The following CDH9 variants were observed in gnomAD, a reference collection of about 807,000 sequenced individuals.
The protein encoded by CDH9 is cadherin 9.
A neutral mutation model predicts 70.9 loss-of-function variants in CDH9; 28 were observed. That is an observed-to-expected ratio of 0.40 (90% CI 0.29 to 0.54). The LOEUF is 0.54. CDH9 is among the 20% of genes least tolerant of loss of function. The pLI, the probability that CDH9 is intolerant of heterozygous loss-of-function variation, is 0.59. For missense variants in CDH9, 874 were observed against 984.4 expected (o/e 0.89, Z 1.50); for synonymous variants, 409 against 343.1 (o/e 1.19, Z -2.12).
At chr5:27,022,938 CT>C (rs146112141) in intron 1 of CDH9, among the ~76,000 whole-genome samples, 264 of 148,588 alleles carry the variant, frequency 1.8e-3, no homozygotes, top group East Asian at 9.3e-3. Context: ...TTGTATTGTT[CT>C]TTTTTTTTTA....
chr5:26,952,309 G>A (rs1162416830), intron 2 of CDH9, among the ~76,000 whole-genome samples: 3 of 149,360 alleles, frequency 2.0e-5, no homozygotes, highest in South Asian at 2.2e-4. Flanking sequence ...TTGAGAGGGA[G>A]GTCCCTTAAG....
chr5:26,927,860 AT>A (rs1045125620), intron 2 of CDH9, among the ~76,000 whole-genome samples: 42 of 152,132 alleles, frequency 2.8e-4, no homozygotes, highest in African/African-American at 1.0e-3. Context: ...GTCTGAAAAC[AT>A]CACCCCTACT....
In CDH9 at chr5:26,964,323, ACTCT is replaced by A. The variant is rs201445904; in HGVS notation, c.228+23779_228+23782del. On this transcript the variant is annotated intron_variant, in intron 2 of 11. Transcript: ENST00000231021. ...CCACCAAAAAGAAACAGTTGTTTCT[ACTCT>A]CTAAGACTTTGCTTCACTGAGTTAT... 2.0e-5 allele frequency among the ~76,000 whole-genome samples: 3 copies of A among 152,244 alleles called. No individual in the cohort carries two copies. The East Asian group carries it at 5.8e-4, about 29-fold the overall frequency.
At position 26,905,725 on chromosome 5, in the gene CDH9, G is replaced by C. The variant is rs186985166; in HGVS notation, c.811+234C>G. ...AGAAGTTAATTTAAAAGTTGCCAGA[G>C]AAGCTTAATACTTTGTTTTCTTCCA... On this transcript the variant is annotated intron_variant, in intron 5 of 11. Coordinates refer to ENST00000231021, the MANE Select transcript of CDH9 (RefSeq NM_016279.4). Among the ~76,000 whole-genome samples, 19 of 152,224 alleles carry C rather than the reference G, an allele frequency of 1.2e-4. No individual in the cohort carries two copies. In the East Asian group the frequency reaches 2.7e-3, roughly 22 times the overall value.
chr5:26,950,043 A>T (rs1053535994), intron 2 of CDH9, among the ~76,000 whole-genome samples: 9 of 152,146 alleles, frequency 5.9e-5, no homozygotes, highest in Non-Finnish European at 1.2e-4. Flanking sequence ...ATCAGAGTGA[A>T]TTGGGGCTTT....
chr5:26,932,805 T>C (rs1741485127), intron 2 of CDH9, among the ~76,000 whole-genome samples: 1 of 151,820 alleles, frequency 6.6e-6, no homozygotes, highest in South Asian at 2.1e-4. Flanking sequence ...TCTATTAATG[T>C]CCCTGATTGT....
chr5:26,943,171 C>G (rs147384644), intron 2 of CDH9, among the ~76,000 whole-genome samples: 1 of 152,168 alleles, frequency 6.6e-6, no homozygotes, highest in East Asian at 1.9e-4. Context: ...TCTTTCAACT[C>G]TCCTCATAGA....
chr5:27,030,415 T>C (rs988588445), intron 1 of CDH9, among the ~76,000 whole-genome samples: 1 of 151,734 alleles, frequency 6.6e-6, no homozygotes, highest in African/African-American at 2.4e-5. Flanking sequence ...AGAAGCACTT[T>C]TAGTTAAATT....
intron 1 of CDH9, among the ~76,000 whole-genome samples, chr5:27,030,522 G>T (rs895696300): frequency 2.7e-5 from 4 of 148,506 alleles, no homozygotes; most frequent in African/African-American, 9.9e-5. Context: ...AGAGAAGCAG[G>T]GATTAAAAAA....
chr5:27,007,194 G>T (rs1742879636), intron 1 of CDH9, among the ~76,000 whole-genome samples: 1 of 152,024 alleles, frequency 6.6e-6, no homozygotes, highest in African/African-American at 2.4e-5. Flanking sequence ...TTTCATTTGA[G>T]AAAAAGCACA....
chr5:26,892,451 C>G (rs1740676590), intron 7 of CDH9, among the ~76,000 whole-genome samples: 1 of 152,108 alleles, frequency 6.6e-6, no homozygotes, highest in Non-Finnish European at 1.5e-5. Context: ...CAGTTTTAGG[C>G]TATGGGATGA....
chr5:26,993,514 C>A (rs1379890558), intron 1 of CDH9, among the ~76,000 whole-genome samples: 1 of 151,732 alleles, frequency 6.6e-6, no homozygotes, highest in East Asian at 1.9e-4. Context: ...AGAGTGAATA[C>A]TAAAGATGTG....
intron 11 of CDH9, among the ~76,000 whole-genome samples, chr5:26,884,592 T>C (rs1177750449): frequency 6.6e-6 from 1 of 152,178 alleles, no homozygotes; most frequent in Non-Finnish European, 1.5e-5. Context: ...TTTTTCAAAA[T>C]AGTTGGAACA....
At chr5:27,037,863 G>C (rs538983579) in intron 1 of CDH9, among the ~76,000 whole-genome samples, 1 of 151,886 alleles carries the variant, frequency 6.6e-6, no homozygotes, top group African/African-American at 2.4e-5. Context: ...CCACAAATAC[G>C]TGAAGAAACC....
At chr5:26,939,962 C>A (rs1045510217) in intron 2 of CDH9, among the ~76,000 whole-genome samples, 6 of 151,796 alleles carry the variant, frequency 4.0e-5, no homozygotes, top group African/African-American at 1.5e-4. Flanking sequence ...CCAGCCTGGC[C>A]AAATGGAGAA....
At chr5:26,894,286 C>T (rs1359079242) in intron 7 of CDH9, among the ~76,000 whole-genome samples, 1 of 152,088 alleles carries the variant, frequency 6.6e-6, no homozygotes, top group Non-Finnish European at 1.5e-5. Context: ...GCTAGCTGCC[C>T]TAGCGTTTAG....
intron 1 of CDH9, among the ~76,000 whole-genome samples, chr5:27,030,378 C>T (rs1743291572): frequency 6.6e-6 from 1 of 151,522 alleles, no homozygotes; most frequent in African/African-American, 2.4e-5. Context: ...TGAATAATCT[C>T]CCAAAATGAA....
intron 2 of CDH9, among the ~76,000 whole-genome samples, chr5:26,929,249 C>G (rs1741398661): frequency 6.6e-6 from 1 of 152,062 alleles, no homozygotes; most frequent in African/African-American, 2.4e-5. Context: ...TGTTCAACAT[C>G]ATTGATCATC....
At chr5:26,969,141 C>A (rs1376315160) in intron 2 of CDH9, among the ~76,000 whole-genome samples, 2 of 152,108 alleles carry the variant, frequency 1.3e-5, no homozygotes. Flanking sequence ...CTTCAATGAA[C>A]TGATAGGAGG....
Sources: allele counts gnomAD v4.1 joint callset (sites outside exome capture counted in the v4.1 genomes callset), GRCh38; gene constraint gnomAD v4.1.1; transcripts MANE v1.5; gene names NCBI Gene and HGNC (gene_info 2026-07-23, HGNC 2026-07-21).